UNC13B: variants seen among roughly 807,000 people sequenced by gnomAD.
The protein encoded by UNC13B is protein unc-13 homolog B.
UNC13B carries 144 observed loss-of-function variants against 211.0 expected under a neutral mutation model. That is an observed-to-expected ratio of 0.68 (90% CI 0.60 to 0.78). The LOEUF (loss-of-function observed/expected upper bound fraction) is 0.78. UNC13B is among the 30% of genes least tolerant of loss of function. The probability of loss-of-function intolerance (pLI) is 0.00; values close to 1 mark genes in which losing one functional copy is unlikely to be tolerated. For synonymous variants in UNC13B, 709 were observed against 725.8 expected (o/e 0.98, Z 0.37); for missense variants, 1,777 against 2,002.0 (o/e 0.89, Z 2.14).
Position 35,306,123 on chromosome 9 carries a change from C to T in UNC13B, c.6719C>T (p.Pro2240Leu), listed in dbSNP as rs138356171. 2 of 398,996 alleles carry T rather than the reference C, an allele frequency of 5.0e-6. No homozygotes were observed. Among genetic ancestry groups the T allele is most frequent in the African/African-American group, 4.1e-5 (2 of 48,728 alleles). 24.7% of individuals were successfully genotyped at this position (398,996 alleles called of 1,614,324 possible). A position where few individuals can be genotyped will look rare whatever the true frequency, so the allele number is the denominator to read the frequency against. Residue 2240 changes from proline (P) to leucine (L), a missense_variant, in exon 9 of 40, where the codon CCA (proline) becomes CTA (leucine). By Grantham distance (98) the Pro-to-Leu change is moderately conservative. Coordinates refer to ENST00000635942, the MANE Select transcript of UNC13B (RefSeq NM_001371189.2). ...GEKQSISTVV[P>L]VTSQPCKKTN... is the part of the protein sequence containing the mutation. ...AAACAAAGCATTTCAACTGTTGTTC[C>T]AGTGACCTCCCAGCCCTGTAAGAAG...
chr9:35,386,407 G>C, intron 24 of UNC13B, 114 bp downstream of exon 24: 1 of 1,421,156 alleles, frequency 7.0e-7, no homozygotes, highest in Non-Finnish European at 9.5e-7. Context: ...TGTTCTCAAG[G>C]GTGAGTGAGT....
In UNC13B at chr9:35,304,018, ATATATC is replaced by A; in HGVS notation, c.4618_4623del (p.Ile1540_Tyr1541del). 2.5e-6 allele frequency: 1 copy of A among 398,814 alleles called. No individual in the cohort carries two copies. 24.7% of individuals were successfully genotyped at this position (398,814 alleles called of 1,614,324 possible). ...GATATTATATGTTTCATGATGGTCA[ATATATC>A]TATTCTCTTCTCACTGATTCTACTG... is the stretch of plus-strand genomic sequence containing the variant. On this transcript the variant is annotated inframe_deletion, in exon 9 of 40. Transcript: ENST00000635942.
chr9:35,174,013 A>G (rs1821474056), intron 1 of UNC13B, among the ~76,000 whole-genome samples: 1 of 152,208 alleles, frequency 6.6e-6, no homozygotes, highest in African/African-American at 2.4e-5. Flanking sequence ...TGTGAAAGTG[A>G]TTAGTACTGT....
chr9:35,306,761 T>C lies in UNC13B; in HGVS notation c.7357T>C (p.Ser2453Pro), dbSNP rs1345691514. 1 of 398,924 alleles carries C rather than the reference T, an allele frequency of 2.5e-6. No individual in the cohort carries two copies. Among genetic ancestry groups the C allele is most frequent in the Non-Finnish European group, 4.4e-6 (1 of 226,066 alleles). 24.7% of individuals were successfully genotyped at this position (398,924 alleles called of 1,614,324 possible). The change falls in exon 9 of 40, where the codon TCT becomes CCT. Residue 2453 changes from serine (S) to proline (P), a missense_variant. Ser to Pro is a moderately conservative substitution (Grantham distance 74, BLOSUM62 -1). Coordinates refer to ENST00000635942, the MANE Select transcript of UNC13B (RefSeq NM_001371189.2). Reference sequence around the variant, plus strand: ...AGAGGAAGACAAATTTGCATTAGGCTCTTCAGTAGACATGCTTTCAGGGTT... The same window carrying C: ...AGAGGAAGACAAATTTGCATTAGGCCCTTCAGTAGACATGCTTTCAGGGTT... ...DKEEDKFALG[S>P]SVDMLSGFVT...
intron 12 of UNC13B, among the ~76,000 whole-genome samples, chr9:35,368,530 C>T (rs1833916847): frequency 6.6e-6 from 1 of 152,158 alleles, no homozygotes; most frequent in Non-Finnish European, 1.5e-5. Flanking sequence ...ACTCATCCAT[C>T]TGTCTTTATG....
At chr9:35,367,037 C>G in intron 12 of UNC13B, 44 bp downstream of exon 12, 1 of 1,566,304 alleles carries the variant, frequency 6.4e-7, no homozygotes, top group Non-Finnish European at 8.8e-7. Context: ...TATTCAGTAT[C>G]TCTTGATGCT....
At chr9:35,288,090 T>A (rs1244388178) in intron 7 of UNC13B, among the ~76,000 whole-genome samples, 1 of 152,104 alleles carries the variant, frequency 6.6e-6, no homozygotes. Context: ...TATGAATCTA[T>A]CCCCTTCTCT....
intron 2 of UNC13B, among the ~76,000 whole-genome samples, chr9:35,230,495 T>C (rs1039581916): frequency 2.7e-5 from 4 of 148,244 alleles, no homozygotes; most frequent in Admixed American, 6.8e-5. Context: ...AAAAAAAAGA[T>C]TTCTTTTTAT....
chr9:35,379,388 G>A (rs891148391), intron 17 of UNC13B, among the ~76,000 whole-genome samples: 1 of 152,092 alleles, frequency 6.6e-6, no homozygotes, highest in Non-Finnish European at 1.5e-5. Flanking sequence ...GGCAGACGTT[G>A]CAGTGCACCA....
chr9:35,195,138 T>TATAC (rs1299394772), intron 1 of UNC13B, among the ~76,000 whole-genome samples: 5 of 152,152 alleles, frequency 3.3e-5, no homozygotes, highest in African/African-American at 1.2e-4. Flanking sequence ...TGCTCCTTAC[T>TATAC]ATACACATGG....
chr9:35,337,292 T>C (rs140283422), intron 11 of UNC13B, among the ~76,000 whole-genome samples: 71 of 152,220 alleles, frequency 4.7e-4, no homozygotes, highest in Middle Eastern at 3.4e-3. Flanking sequence ...AAGCCTGGAC[T>C]AAAGATTGCA....
intron 1 of UNC13B, among the ~76,000 whole-genome samples, chr9:35,183,920 C>T (rs1353590126): frequency 4.4e-5 from 6 of 134,992 alleles, no homozygotes; most frequent in African/African-American, 8.5e-5. Context: ...GCCTCCAAGA[C>T]GGGGTGGCGG....
chr9:35,163,552 T>C (rs1820883869), intron 1 of UNC13B, among the ~76,000 whole-genome samples: 1 of 152,232 alleles, frequency 6.6e-6, no homozygotes, highest in Non-Finnish European at 1.5e-5. Context: ...GCTGGGAATC[T>C]ATTTATTCCT....
At chr9:35,250,329 C>T (rs1416032291) in intron 6 of UNC13B, among the ~76,000 whole-genome samples, 3 of 152,310 alleles carry the variant, frequency 2.0e-5, no homozygotes, top group Middle Eastern at 6.8e-3. Context: ...AGTCTCCATT[C>T]TTCCCTATCC....
intron 11 of UNC13B, among the ~76,000 whole-genome samples, chr9:35,335,139 A>G (rs1173145501): frequency 1.3e-5 from 2 of 152,264 alleles, no homozygotes; most frequent in Admixed American, 6.5e-5. Flanking sequence ...TAGTTGCCAC[A>G]GGACTTTAAG....
intron 1 of UNC13B, among the ~76,000 whole-genome samples, chr9:35,193,358 G>A (rs1178764864): frequency 6.6e-6 from 1 of 152,104 alleles, no homozygotes; most frequent in Admixed American, 6.6e-5. Context: ...TGCCTTAAAA[G>A]ATCATAGGGG....
chr9:35,292,380 A>G lies in UNC13B; in HGVS notation c.527-3316A>G, dbSNP rs184115611. 7.9e-5 allele frequency among the ~76,000 whole-genome samples: 12 copies of G among 152,286 alleles called. No individual in the cohort carries two copies. The East Asian group carries it at 1.7e-3, about 22-fold the overall frequency. On this transcript the variant is annotated intron_variant, in intron 7 of 39. Coordinates refer to ENST00000635942, the MANE Select transcript of UNC13B (RefSeq NM_001371189.2). ...CTATGTCTTTTTATTTACCTATCAA[A>G]TGAACTACAAAATGGTTTCTCAAAA... is the stretch of plus-strand genomic sequence containing the variant.
chr9:35,241,179 G>C (rs1250061628), intron 5 of UNC13B, among the ~76,000 whole-genome samples: 1 of 152,012 alleles, frequency 6.6e-6, no homozygotes, highest in African/African-American at 2.4e-5. Context: ...GTCCTTTGAG[G>C]CAGGCCCAAC....
intron 1 of UNC13B, among the ~76,000 whole-genome samples, chr9:35,210,944 T>C (rs372757590): frequency 2.6e-4 from 39 of 152,116 alleles, no homozygotes; most frequent in Middle Eastern, 3.4e-3. Flanking sequence ...TCTATGTTGC[T>C]TAGGCTGTAC....
Sources: gnomAD v4.1 joint callset for allele counts (sites outside exome capture counted in the v4.1 genomes callset) on GRCh38, gnomAD v4.1.1 for gene constraint, MANE v1.5 for transcripts, NCBI Gene and HGNC (gene_info 2026-07-23, HGNC 2026-07-21) for gene names.